PDE5A: variants seen among roughly 807,000 people sequenced by gnomAD.
PDE5A encodes phosphodiesterase 5A.
In PDE5A, 67 loss-of-function variants were observed where a neutral mutation model predicts 110.2. That is an observed-to-expected ratio of 0.61 (90% CI 0.50 to 0.75). PDE5A has a LOEUF of 0.75. Ranked by LOEUF, PDE5A falls within the 30% of genes least tolerant of loss-of-function variation. PDE5A has a pLI of 0.00. For missense variants in PDE5A, 862 were observed against 1,045.1 expected, an observed-to-expected ratio of 0.82 and a Z score of 2.42; for synonymous variants, 328 against 351.2, an observed-to-expected ratio of 0.93 and a Z score of 0.74.
chr4:119,625,240 G>A (rs1388768830), intron 1 of PDE5A, among the ~76,000 whole-genome samples: 3 of 152,116 alleles, frequency 2.0e-5, no homozygotes, highest in Non-Finnish European at 4.4e-5. Flanking sequence ...GTCGTGATCT[G>A]CCCGCCTCGG....
chr4:119,599,746 CACAT>C (rs142114784), intron 2 of PDE5A, among the ~76,000 whole-genome samples: 121 of 137,654 alleles, frequency 8.8e-4, no homozygotes, highest in Middle Eastern at 7.8e-3. Flanking sequence ...CACACACACA[CACAT>C]ACATATATTT....
chr4:119,596,510 A>T lies in PDE5A; in HGVS notation c.831+13T>A. On this transcript the variant is annotated intron_variant, in intron 3 of 20. Coordinates refer to ENST00000354960, the MANE Select transcript of PDE5A (RefSeq NM_001083.4). ...TTTCCAATGACCTTTTATAAAATGG[A>T]AAATTGGCTTACCTCTTCCCTATGA... The T allele has an allele frequency of 6.8e-7, 1 of 1,474,924 alleles. No individual in the cohort carries two copies. The highest frequency in any genetic ancestry group is 9.3e-7 in the Non-Finnish European group (1 of 1,079,736). 91.4% of individuals were successfully genotyped at this position (1,474,924 alleles called of 1,614,324 possible). A position where few individuals can be genotyped will look rare whatever the true frequency, so the allele number is the denominator to read the frequency against.
chr4:119,610,828 T>C (rs1384080950), intron 1 of PDE5A, among the ~76,000 whole-genome samples: 6 of 152,182 alleles, frequency 3.9e-5, no homozygotes, highest in Admixed American at 6.5e-5. Context: ...CAAACCCCAC[T>C]ATCTCTCAGT....
intron 3 of PDE5A, among the ~76,000 whole-genome samples, chr4:119,586,623 T>G (rs1728774816): frequency 6.6e-6 from 1 of 152,206 alleles, no homozygotes; most frequent in South Asian, 2.1e-4. Flanking sequence ...TTATATGATG[T>G]CGGGTTAGAT....
At chr4:119,548,024 C>T (rs1471138746) in intron 9 of PDE5A, among the ~76,000 whole-genome samples, 1 of 145,702 alleles carries the variant, frequency 6.9e-6, no homozygotes, top group African/African-American at 2.5e-5. Context: ...GTGATGATCA[C>T]TTTGTCCATT....
chr4:119,618,361 T>C (rs1730015373), intron 1 of PDE5A, among the ~76,000 whole-genome samples: 2 of 152,164 alleles, frequency 1.3e-5, no homozygotes, highest in African/African-American at 4.8e-5. Flanking sequence ...TAAGTAGATG[T>C]TGGCTCTTGC....
intron 3 of PDE5A, among the ~76,000 whole-genome samples, chr4:119,585,576 T>C (rs972992069): frequency 6.6e-6 from 1 of 152,136 alleles, no homozygotes; most frequent in African/African-American, 2.4e-5. Context: ...TGGCTAGTTT[T>C]AAGGAAAGAG....
At chr4:119,620,883 T>C (rs1730119686) in intron 1 of PDE5A, among the ~76,000 whole-genome samples, 1 of 152,214 alleles carries the variant, frequency 6.6e-6, no homozygotes, top group Admixed American at 6.5e-5. Context: ...GAGGAATAAG[T>C]TTCATGATTG....
intron 7 of PDE5A, among the ~76,000 whole-genome samples, chr4:119,554,200 T>A (rs973375954): frequency 6.6e-6 from 1 of 152,086 alleles, no homozygotes; most frequent in African/African-American, 2.4e-5. Flanking sequence ...TTAGAAAAAA[T>A]TTTTAAAGCT....
chr4:119,603,303 C>T (rs1729407948), intron 2 of PDE5A, among the ~76,000 whole-genome samples: 1 of 152,166 alleles, frequency 6.6e-6, no homozygotes, highest in South Asian at 2.1e-4. Context: ...ACTTCTCGTG[C>T]AGTTGAAGTG....
chr4:119,624,165 T>C (rs1037217119), intron 1 of PDE5A, among the ~76,000 whole-genome samples: 1 of 152,082 alleles, frequency 6.6e-6, no homozygotes, highest in Non-Finnish European at 1.5e-5. Context: ...CTATAAACAA[T>C]ATCAAAGTTA....
At chr4:119,554,676 C>T (rs558995521) in intron 7 of PDE5A, among the ~76,000 whole-genome samples, 6 of 152,154 alleles carry the variant, frequency 3.9e-5, no homozygotes, top group Admixed American at 2.0e-4. Context: ...AGTTGGCCCT[C>T]TGTACCCACA....
chr4:119,557,818 TC>T (rs1456328563), intron 7 of PDE5A, among the ~76,000 whole-genome samples: 1 of 152,184 alleles, frequency 6.6e-6, no homozygotes, highest in Non-Finnish European at 1.5e-5. Context: ...CAATCTGACT[TC>T]TACATTCTTC....
chr4:119,508,797 A>C (rs7664986), intron 15 of PDE5A, among the ~76,000 whole-genome samples: 39,886 of 151,802 alleles, frequency 0.26, 5,375 homozygotes, highest in East Asian at 0.38. Flanking sequence ...TTTATTTTTT[A>C]CTCTCAAAAG....
intron 1 of PDE5A, among the ~76,000 whole-genome samples, chr4:119,608,313 G>A (rs1186825250): frequency 6.6e-6 from 1 of 152,072 alleles, no homozygotes; most frequent in Non-Finnish European, 1.5e-5. Flanking sequence ...AAACTCATTT[G>A]AGCTAAAGCC....
Position 119,606,994 on chromosome 4 carries a change from G to C in PDE5A, c.456C>G (p.Leu152=). The change falls in exon 2 of 21, where the codon CTC becomes CTG. Residue 152 remains leucine, a synonymous_variant. Transcript: ENST00000354960. ...DHDEGDQCSR[L]LELVKDISSH... ...TAGAAATATCCTTCACTAATTCCAA[G>C]AGTCTTGAGCACTGGTCCCCTTCAT... 9.3e-6 allele frequency: 15 copies of C among 1,614,186 alleles called. No homozygotes were observed. Among genetic ancestry groups the C allele is most frequent in the East Asian group, 2.2e-5 (1 of 44,886 alleles).
Position 119,510,993 on chromosome 4 carries a change from C to T in PDE5A, c.2088+54G>A, listed in dbSNP as rs376917608. The T allele has an allele frequency of 1.6e-5, 17 of 1,042,242 alleles. No individual in the cohort carries two copies. In the South Asian group the frequency reaches 1.9e-4, roughly 12 times the overall value. 64.6% of individuals were successfully genotyped at this position (1,042,242 alleles called of 1,614,324 possible). ...ATAAATCCAAGAACTAAAAATAAAA[C>T]TGAATTTATAAAGCTCTCTTTTAAA... On this transcript the variant is annotated intron_variant, in intron 15 of 20. Transcript: ENST00000354960.
chr4:119,549,040 T>G (rs989697739), intron 9 of PDE5A: 2 of 152,228 alleles, frequency 1.3e-5, no homozygotes, highest in Admixed American at 6.5e-5. Flanking sequence ...ATTTATGCCT[T>G]GGAATTCTAC....
intron 1 of PDE5A, among the ~76,000 whole-genome samples, chr4:119,611,535 T>C (rs1425520020): frequency 1.3e-5 from 2 of 152,246 alleles, no homozygotes; most frequent in Non-Finnish European, 2.9e-5. Context: ...TGACCGTGAC[T>C]AATTTATGCT....
Sources: allele counts gnomAD v4.1 joint callset (sites outside exome capture counted in the v4.1 genomes callset), GRCh38; gene constraint gnomAD v4.1.1; transcripts MANE v1.5; gene names NCBI Gene and HGNC (gene_info 2026-07-23, HGNC 2026-07-21).